Variants in OPCML observed in about 807,000 individuals in gnomAD.
The protein encoded by OPCML is opioid-binding protein/cell adhesion molecule.
A neutral mutation model predicts 37.8 loss-of-function variants in OPCML; 13 were observed. The observed-to-expected ratio is 0.34, with a 90% CI of 0.22 to 0.55. The LOEUF (loss-of-function observed/expected upper bound fraction) is 0.55, where lower values mean the gene tolerates loss of function less well. Ranked by LOEUF, OPCML falls within the 20% of genes least tolerant of loss-of-function variation. The pLI is 0.91. For synonymous variants in OPCML, 176 were observed against 168.8 expected (o/e 1.04, Z -0.33); for missense variants, 341 against 435.6 (o/e 0.78, Z 1.93).
chr11:132,533,247 G>C lies in OPCML; in HGVS notation c.380-4061C>G, dbSNP rs530077836. 4.6e-5 allele frequency among the ~76,000 whole-genome samples: 7 copies of C among 152,240 alleles called. No individual in the cohort carries two copies. The South Asian group carries it at 1.5e-3, about 32-fold the overall frequency. ...ACTGATGGTGGTGTTTTACAATAGG[G>C]CCTTTGCATAGATTGTGCAGAGGGT... On this transcript the variant is annotated intron_variant, in intron 3 of 7. Transcript: ENST00000524381.
At chr11:133,204,420 A>G (rs1938943828) in intron 1 of OPCML, among the ~76,000 whole-genome samples, 1 of 152,194 alleles carries the variant, frequency 6.6e-6, no homozygotes, top group South Asian at 2.1e-4. Context: ...CGTGGCATCC[A>G]TCAGGTCTTC....
chr11:133,072,378 T>A (rs1383160655), intron 1 of OPCML, among the ~76,000 whole-genome samples: 3 of 152,118 alleles, frequency 2.0e-5, no homozygotes, highest in African/African-American at 7.2e-5. Flanking sequence ...TTAAAATAAC[T>A]CAAAAGGCAA....
At chr11:132,771,633 T>C (rs533417992) in intron 2 of OPCML, 3 of 152,236 alleles carry the variant, frequency 2.0e-5, no homozygotes, top group East Asian at 1.9e-4. Flanking sequence ...CTTGTCAGCA[T>C]AAGTTTATTC....
chr11:133,489,852 ATTTT>A (rs10562716), intron 1 of OPCML, among the ~76,000 whole-genome samples: 21 of 142,014 alleles, frequency 1.5e-4, no homozygotes, highest in African/African-American at 5.2e-4. Context: ...ATATATATAT[ATTTT>A]TTTATACATG....
At chr11:132,901,889 AT>A (rs1333156877) in intron 2 of OPCML, among the ~76,000 whole-genome samples, 1 of 152,218 alleles carries the variant, frequency 6.6e-6, no homozygotes, top group South Asian at 2.1e-4. Context: ...TGTACTTGGA[AT>A]TCACAAGGGA....
chr11:132,695,269 T>G (rs1943561708), intron 2 of OPCML, among the ~76,000 whole-genome samples: 1 of 152,188 alleles, frequency 6.6e-6, no homozygotes, highest in Non-Finnish European at 1.5e-5. Flanking sequence ...CAAGTAAATG[T>G]TCCTGAAATA....
chr11:133,339,475 C>A (rs1943815515), intron 1 of OPCML, among the ~76,000 whole-genome samples: 1 of 152,200 alleles, frequency 6.6e-6, no homozygotes, highest in Non-Finnish European at 1.5e-5. Context: ...CAAACACAGT[C>A]TTTTCACTAT....
At chr11:133,488,503 C>T (rs573028346) in intron 1 of OPCML, among the ~76,000 whole-genome samples, 2 of 152,058 alleles carry the variant, frequency 1.3e-5, no homozygotes, top group East Asian at 3.9e-4. Context: ...ACCCCATTTA[C>T]AACAGCTAAA....
chr11:133,349,671 C>T (rs1258241992), intron 1 of OPCML, among the ~76,000 whole-genome samples: 5 of 152,160 alleles, frequency 3.3e-5, no homozygotes, highest in African/African-American at 1.2e-4. Context: ...TTCCTATAGA[C>T]TTTGTTCTGT....
intron 2 of OPCML, among the ~76,000 whole-genome samples, chr11:132,916,839 C>A (rs542677262): frequency 6.6e-6 from 1 of 152,158 alleles, no homozygotes; most frequent in African/African-American, 2.4e-5. Flanking sequence ...TTACTGCAGT[C>A]GGCAGCAGCA....
intron 1 of OPCML, chr11:133,006,972 C>T (rs1947125685): frequency 4.2e-5 from 41 of 985,340 alleles, no homozygotes; most frequent in Non-Finnish European, 4.8e-5. Flanking sequence ...AATACCTGAA[C>T]TGTTAATCCT....
At chr11:133,184,872 C>T (rs904307382) in intron 1 of OPCML, among the ~76,000 whole-genome samples, 5 of 152,136 alleles carry the variant, frequency 3.3e-5, no homozygotes, top group Admixed American at 2.0e-4. Flanking sequence ...AACCGTTTCC[C>T]GCAGGACGTT....
chr11:133,332,298 T>C (rs1309431580), intron 1 of OPCML, among the ~76,000 whole-genome samples: 1 of 152,194 alleles, frequency 6.6e-6, no homozygotes, highest in Non-Finnish European at 1.5e-5. Flanking sequence ...GCAACTTTGC[T>C]GATGTTTTTA....
At chr11:132,637,902 G>A (rs1940607845) in intron 3 of OPCML, among the ~76,000 whole-genome samples, 1 of 152,040 alleles carries the variant, frequency 6.6e-6, no homozygotes, top group African/African-American at 2.4e-5. Context: ...GATAGTCTCT[G>A]CCTTTGGGAG....
chr11:133,427,908 C>T (rs942101729), intron 1 of OPCML, among the ~76,000 whole-genome samples: 2 of 152,120 alleles, frequency 1.3e-5, no homozygotes, highest in African/African-American at 2.4e-5. Context: ...TCTACACACA[C>T]GATTATACTC....
chr11:132,742,979 T>C (rs1945485175), intron 2 of OPCML, among the ~76,000 whole-genome samples: 2 of 152,136 alleles, frequency 1.3e-5, no homozygotes, highest in South Asian at 4.1e-4. Context: ...AAACATTTTC[T>C]CTAAATGTGT....
intron 1 of OPCML, among the ~76,000 whole-genome samples, chr11:132,971,240 A>G (rs1417505724): frequency 6.6e-6 from 1 of 152,148 alleles, no homozygotes; most frequent in African/African-American, 2.4e-5. Flanking sequence ...GTTCTTTATA[A>G]TAGCTTGCAC....
chr11:132,601,612 G>T (rs1230125796), intron 3 of OPCML, among the ~76,000 whole-genome samples: 2 of 152,090 alleles, frequency 1.3e-5, no homozygotes, highest in African/African-American at 4.8e-5. Flanking sequence ...AGAATGACTT[G>T]ACCAGCCATG....
At chr11:133,471,936 A>C (rs1947125755) in intron 1 of OPCML, among the ~76,000 whole-genome samples, 1 of 152,192 alleles carries the variant, frequency 6.6e-6, no homozygotes, top group Non-Finnish European at 1.5e-5. Flanking sequence ...GAATGCCATG[A>C]TTCTGCCAGT....
Sources: gnomAD v4.1 joint callset for allele counts (sites outside exome capture counted in the v4.1 genomes callset) on GRCh38, gnomAD v4.1.1 for gene constraint, MANE v1.5 for transcripts, NCBI Gene and HGNC (gene_info 2026-07-23, HGNC 2026-07-21) for gene names.